The following FSTL5 variants were observed in gnomAD, a reference collection of about 807,000 sequenced individuals.
FSTL5 encodes follistatin like 5, also known as follistatin-related protein 5.
FSTL5 carries 62 observed loss-of-function variants against 89.1 expected under a neutral mutation model. The observed-to-expected ratio is 0.70, with a 90% CI of 0.57 to 0.86. The LOEUF (loss-of-function observed/expected upper bound fraction) is 0.86. Ranked by LOEUF, FSTL5 falls within the 40% of genes least tolerant of loss-of-function variation. The pLI, the probability that FSTL5 is intolerant of heterozygous loss-of-function variation, is 0.00. For missense variants in FSTL5, 1,057 were observed against 1,001.6 expected (o/e 1.06, Z -0.75); for synonymous variants, 383 against 346.2 (o/e 1.11, Z -1.18).
chr4:161,474,525 C>T (rs1393901654), intron 13 of FSTL5, among the ~76,000 whole-genome samples: 3 of 147,734 alleles, frequency 2.0e-5, no homozygotes, highest in Non-Finnish European at 4.5e-5. Context: ...CTTCACATGA[C>T]TTCAAGTTAT....
intron 7 of FSTL5, among the ~76,000 whole-genome samples, chr4:161,634,567 A>G (rs1312113512): frequency 6.6e-6 from 1 of 152,220 alleles, no homozygotes; most frequent in Admixed American, 6.5e-5. Context: ...TCTTAAAAAA[A>G]CAGGAACACC....
chr4:161,691,776 T>A (rs1189515422), intron 6 of FSTL5, among the ~76,000 whole-genome samples: 1 of 152,154 alleles, frequency 6.6e-6, no homozygotes, highest in African/African-American at 2.4e-5. Flanking sequence ...TTCTTTTAGA[T>A]ACTATCATGA....
At chr4:161,997,630 A>C in intron 3 of FSTL5, among the ~76,000 whole-genome samples, 2 of 115,956 alleles carry the variant, frequency 1.7e-5, no homozygotes, top group East Asian at 5.2e-4. Context: ...TTTGAGACGG[A>C]GTCTTGCTCT....
At chr4:161,473,358 A>G (rs1364641236) in intron 13 of FSTL5, among the ~76,000 whole-genome samples, 1 of 151,126 alleles carries the variant, frequency 6.6e-6, no homozygotes, top group East Asian at 1.9e-4. Flanking sequence ...TAATTTTTAA[A>G]TCTGCTTGCT....
intron 7 of FSTL5, among the ~76,000 whole-genome samples, chr4:161,605,712 A>G (rs1221155684): frequency 6.6e-6 from 1 of 152,212 alleles, no homozygotes; most frequent in Non-Finnish European, 1.5e-5. Flanking sequence ...TTCACCCTTC[A>G]GTGGAGAACC....
chr4:161,802,003 T>C (rs1369358327), intron 4 of FSTL5, among the ~76,000 whole-genome samples: 1 of 151,720 alleles, frequency 6.6e-6, no homozygotes, highest in Non-Finnish European at 1.5e-5. Context: ...GTGGATAGAA[T>C]TATTCAGTCA....
intron 12 of FSTL5, among the ~76,000 whole-genome samples, chr4:161,490,680 T>G (rs900915986): frequency 2.6e-5 from 4 of 152,108 alleles, no homozygotes; most frequent in Non-Finnish European, 5.9e-5. Flanking sequence ...ACTGAAAAAA[T>G]TACTCTGAAA....
At chr4:161,441,006 A>G (rs1424960591) in intron 15 of FSTL5, among the ~76,000 whole-genome samples, 1 of 152,140 alleles carries the variant, frequency 6.6e-6, no homozygotes, top group Non-Finnish European at 1.5e-5. Context: ...TTATTATTTG[A>G]TTACTGACAT....
At chr4:161,474,347 A>C (rs1046245949) in intron 13 of FSTL5, among the ~76,000 whole-genome samples, 1 of 152,176 alleles carries the variant, frequency 6.6e-6, no homozygotes, top group Non-Finnish European at 1.5e-5. Context: ...GAAAACAAAA[A>C]GGGTTTTTGC....
intron 3 of FSTL5, among the ~76,000 whole-genome samples, chr4:161,941,788 G>A (rs1159851471): frequency 1.3e-5 from 2 of 151,760 alleles, no homozygotes; most frequent in African/African-American, 4.8e-5. Context: ...AAACCTAATA[G>A]ACCTAATAGA....
At chr4:161,804,505 A>G (rs1337792810) in intron 4 of FSTL5, among the ~76,000 whole-genome samples, 1 of 144,080 alleles carries the variant, frequency 6.9e-6, no homozygotes, top group African/African-American at 2.6e-5. Context: ...ACAATTTCCT[A>G]TATGATCAAA....
chr4:161,678,781 A>G (rs1645821990), intron 6 of FSTL5, among the ~76,000 whole-genome samples: 1 of 151,836 alleles, frequency 6.6e-6, no homozygotes, highest in African/African-American at 2.4e-5. Flanking sequence ...TTAAGAGAAC[A>G]TCATTTGGAG....
intron 7 of FSTL5, among the ~76,000 whole-genome samples, chr4:161,651,640 T>C (rs1422428446): frequency 6.6e-6 from 1 of 152,178 alleles, no homozygotes. Flanking sequence ...AAAGTGTTTT[T>C]TCTCATTAAT....
intron 15 of FSTL5, among the ~76,000 whole-genome samples, chr4:161,446,124 AT>A (rs2126379466): frequency 6.6e-6 from 1 of 152,066 alleles, no homozygotes; most frequent in Admixed American, 6.6e-5. Flanking sequence ...CACAATGAAT[AT>A]TTTTTACAGC....
chr4:161,395,606 G>A (rs969752032), intron 15 of FSTL5, among the ~76,000 whole-genome samples: 1 of 151,976 alleles, frequency 6.6e-6, no homozygotes, highest in Non-Finnish European at 1.5e-5. Context: ...TTGGTAAACT[G>A]ACTGTAAATT....
At chr4:162,021,470 TA>T (rs939000149) in intron 3 of FSTL5, among the ~76,000 whole-genome samples, 59 of 152,256 alleles carry the variant, frequency 3.9e-4, no homozygotes, top group South Asian at 8.3e-4. Flanking sequence ...GCTGAAGAAA[TA>T]AACAATAGGT....
intron 8 of FSTL5, among the ~76,000 whole-genome samples, chr4:161,578,107 A>T (rs1578940434): frequency 1.3e-5 from 2 of 152,120 alleles, no homozygotes; most frequent in East Asian, 3.9e-4. Context: ...GAAGGAGTGG[A>T]AAATATGACT....
chr4:161,850,611 C>T (rs1166105032), intron 4 of FSTL5, among the ~76,000 whole-genome samples: 2 of 152,160 alleles, frequency 1.3e-5, no homozygotes, highest in Non-Finnish European at 2.9e-5. Context: ...TCAATTATCA[C>T]TAGATAACAA....
rs113951311 is a variant in FSTL5 at position 161,476,377 on chromosome 4, C to G, written c.1608+4643G>C. On this transcript the variant is annotated intron_variant, in intron 13 of 15. Coordinates refer to ENST00000306100, the MANE Select transcript of FSTL5 (RefSeq NM_020116.5). The stretch of plus-strand genomic sequence containing the variant: ...TAATTTTGTATTTTTAGTAGAGACA[C>G]GGTTTCTCCATGTTGGTTAGGTTGG... Among the ~76,000 whole-genome samples the G allele has an allele frequency of 3.4e-3, 512 of 151,604 alleles. 3 individuals are homozygous for G. The highest frequency in any genetic ancestry group is 0.011 in the African/African-American group (465 of 41,358).
Sources: gnomAD v4.1 joint callset for allele counts (sites outside exome capture counted in the v4.1 genomes callset) on GRCh38, gnomAD v4.1.1 for gene constraint, MANE v1.5 for transcripts, NCBI Gene and HGNC (gene_info 2026-07-23, HGNC 2026-07-21) for gene names.